The following RECQL5 variants were observed in gnomAD, a reference collection of about 807,000 sequenced individuals.
RECQL5 encodes ATP-dependent DNA helicase Q5.
In RECQL5, 88 loss-of-function variants were observed where a neutral mutation model predicts 103.4. That is an observed-to-expected ratio of 0.85 (90% confidence interval 0.72 to 1.02). The LOEUF (loss-of-function observed/expected upper bound fraction) is 1.02, where lower values mean the gene tolerates loss of function less well. RECQL5 is among the 50% of genes least tolerant of loss of function. The pLI is 0.00. For missense variants in RECQL5, 1,232 were observed against 1,284.3 expected, an observed-to-expected ratio of 0.96 and a Z score of 0.62; for synonymous variants, 552 against 507.9, an observed-to-expected ratio of 1.09 and a Z score of -1.17.
intron 3 of RECQL5, 114 bp downstream of exon 3, chr17:75,664,931 GGAAAAA>G (rs1271876791): frequency 3.6e-5 from 45 of 1,234,456 alleles, no homozygotes; most frequent in Middle Eastern, 2.9e-4. Flanking sequence ...AAAAAAAAAA[GGAAAAA>G]GAAAAAGAAA....
Position 75,650,744 on chromosome 17 carries a change from G to A in RECQL5, c.1229+442C>T, listed in dbSNP as rs77302808. ...CTGCAGATGCAGGTAAAACAGATGC[G>A]TGAGTTCAAAGCACATGACTCCCCG... On this transcript the variant is annotated intron_variant, in intron 8 of 19. Transcript: ENST00000317905. 10,954 of 1,607,372 alleles carry A rather than the reference G, an allele frequency of 6.8e-3. 317 individuals are homozygous for A. The African/African-American group carries it at 0.082, about 12-fold the overall frequency.
Position 75,630,267 on chromosome 17 carries a change from G to A in RECQL5, c.1729C>T (p.Arg577Trp), listed in dbSNP as rs773824180. ...TGTTCCAGCTCCACGGCCTTGGCCCGGAGGTCAGCTCTGTGGGTGCAAGGT... is the reference window on the plus strand; with the variant it reads ...TGTTCCAGCTCCACGGCCTTGGCCCAGAGGTCAGCTCTGTGGGTGCAAGGT... ...STRTADEADL[R>W]AKAVELEHET... Residue 577 changes from arginine to tryptophan, a missense_variant, in exon 14 of 20, where the codon CGG (arginine) becomes TGG (tryptophan). Transcript: ENST00000317905. The A allele has an allele frequency of 1.8e-5, 28 of 1,558,392 alleles. No individual in the cohort carries two copies. The highest frequency in any genetic ancestry group is 1.5e-4 in the Admixed American group (8 of 51,640).
At chr17:75,634,220 C>T in intron 8 of RECQL5, 2 of 985,564 alleles carry the variant, frequency 2.0e-6, no homozygotes, top group Non-Finnish European at 1.2e-6. Context: ...GCAATGGCCA[C>T]AGAAGAAGGG....
chr17:75,661,637 G>C lies in RECQL5; in HGVS notation c.843C>G (p.Cys281Trp), dbSNP rs200213823. ...ACEQLAIELS[C>W]RGVNAKAYHA... ...GGTAAGCCTTGGCGTTCACACCCCTGCAGCTGAGCTCTATGGCCAGCTGTT... is the reference window on the plus strand; with the variant it reads ...GGTAAGCCTTGGCGTTCACACCCCTCCAGCTGAGCTCTATGGCCAGCTGTT... The change falls in exon 5 of 20, where the codon TGC becomes TGG. Residue 281 changes from cysteine (C) to tryptophan (W), a missense_variant. By Grantham distance (215) the Cys-to-Trp change is radical. Coordinates refer to ENST00000317905, the MANE Select transcript of RECQL5 (RefSeq NM_004259.7). The C allele has an allele frequency of 3.6e-5, 58 of 1,613,938 alleles. No homozygotes were observed. The highest frequency in any genetic ancestry group is 4.7e-5 in the Non-Finnish European group (56 of 1,180,008).
At position 75,640,164 on chromosome 17, in the gene RECQL5, A is replaced by G. The variant is rs1167380270; in HGVS notation, c.1230-8496T>C. 1.3e-6 allele frequency: 2 copies of G among 1,520,924 alleles called. No homozygotes were observed. The highest frequency in any genetic ancestry group is 1.8e-6 in the Non-Finnish European group (2 of 1,135,306). 94.2% of individuals were successfully genotyped at this position (1,520,924 alleles called of 1,614,324 possible). ...CTCCAGGTGTTCTCTCTGCCCCAGCAGAGCCCGGCAGGAGCCCCAACAGGA... is the reference window on the plus strand; with the variant it reads ...CTCCAGGTGTTCTCTCTGCCCCAGCGGAGCCCGGCAGGAGCCCCAACAGGA... On this transcript the variant is annotated intron_variant, in intron 8 of 19. Coordinates refer to ENST00000317905, the MANE Select transcript of RECQL5 (RefSeq NM_004259.7). This position sits in a 1 kb window ranked among gnomAD's most constrained non-coding sequence, Gnocchi z 4.6.
At chr17:75,649,905 G>A (rs2059533427) in intron 8 of RECQL5, 1 of 985,582 alleles carries the variant, frequency 1.0e-6, no homozygotes, top group Non-Finnish European at 1.2e-6. Context: ...CAGCTCCCCG[G>A]AAGGTGACAG....
chr17:75,628,536 C>G, intron 17 of RECQL5, 94 bp from the exon 18 acceptor site: 3 of 1,526,012 alleles, frequency 2.0e-6, no homozygotes, highest in Non-Finnish European at 2.7e-6. Context: ...CCAGCTGCCT[C>G]TCTCCAGCCC....
chr17:75,634,250 A>AAGG, intron 8 of RECQL5: 3 of 985,522 alleles, frequency 3.0e-6, no homozygotes, highest in Non-Finnish European at 3.6e-6. Context: ...AGGGAGCAGC[A>AAGG]AGGGTCCCCT....
intron 8 of RECQL5, chr17:75,633,538 C>A (rs1291241437): frequency 7.8e-7 from 1 of 1,285,316 alleles, no homozygotes; most frequent in South Asian, 1.2e-5. Context: ...TCCCCCAAGA[C>A]GCCTTCAGAT....
chr17:75,661,488 G>T, intron 5 of RECQL5, 118 bp downstream of exon 5: 1 of 720,688 alleles, frequency 1.4e-6, no homozygotes. Context: ...CTTTAGCTCT[G>T]CCTGAGTATC....
intron 2 of RECQL5, 84 bp downstream of exon 2, chr17:75,666,344 C>A: frequency 1.3e-6 from 2 of 1,490,088 alleles, no homozygotes; most frequent in Non-Finnish European, 9.2e-7. Context: ...TGAGGCAGTA[C>A]GAAGGGTGAG....
intron 8 of RECQL5, chr17:75,649,941 G>C: frequency 1.0e-6 from 1 of 985,594 alleles, no homozygotes; most frequent in Non-Finnish European, 1.2e-6. Context: ...AGGCCCTTGG[G>C]AGGACCTGTT....
Position 75,641,000 on chromosome 17 carries a change from C to T in RECQL5, c.1230-9332G>A. On this transcript the variant is annotated intron_variant, in intron 8 of 19. Transcript: ENST00000317905. This position sits in a 1 kb window ranked among gnomAD's most constrained non-coding sequence, Gnocchi z 4.6. ...GCCCTTACCCCTCAAGACCAGGCTC[C>T]CCTGGCCCCAGCTCTGGCCCAGCCC... The T allele has an allele frequency of 1.3e-6, 2 of 1,486,184 alleles. No homozygotes were observed. Among genetic ancestry groups the T allele is most frequent in the Non-Finnish European group, 1.8e-6 (2 of 1,114,568 alleles). The allele number at this position is 1,486,184 out of a possible 1,614,324, so 92.1% of individuals were successfully genotyped here.
At chr17:75,657,413 G>A (rs2059637813) in intron 7 of RECQL5, among the ~76,000 whole-genome samples, 1 of 151,974 alleles carries the variant, frequency 6.6e-6, no homozygotes, top group Admixed American at 6.6e-5. Context: ...AAAGAAACAA[G>A]GCAGTACTGA....
At chr17:75,653,802 G>A (rs761597798) in intron 7 of RECQL5, among the ~76,000 whole-genome samples, 3 of 152,062 alleles carry the variant, frequency 2.0e-5, no homozygotes, top group Admixed American at 6.6e-5. Context: ...GGGGGCTGAG[G>A]CATGAAAATT....
At chr17:75,641,649 A>G (rs2059436779) in intron 8 of RECQL5, among the ~76,000 whole-genome samples, 1 of 152,262 alleles carries the variant, frequency 6.6e-6, no homozygotes, top group Admixed American at 6.5e-5. Flanking sequence ...GCAGAGTGGC[A>G]GAGACTGTGT....
At chr17:75,634,821 A>G (rs1816466330) in intron 8 of RECQL5, among the ~76,000 whole-genome samples, 1 of 152,222 alleles carries the variant, frequency 6.6e-6, no homozygotes, top group Admixed American at 6.5e-5. Flanking sequence ...AGGAACCTGG[A>G]GGACTGACTT....
chr17:75,647,445 G>A (rs1249858695), intron 8 of RECQL5: 4 of 1,550,126 alleles, frequency 2.6e-6, no homozygotes, highest in African/African-American at 2.7e-5. Flanking sequence ...GGGACCAGGG[G>A]GGCCTGGCAG....
intron 6 of RECQL5, 112 bp downstream of exon 6, chr17:75,660,843 T>A (rs755869348): frequency 5.7e-5 from 46 of 801,180 alleles, no homozygotes; most frequent in Middle Eastern, 2.5e-4. Flanking sequence ...GGAGCTTCCT[T>A]CCCCTCTAGC....
Sources: allele counts gnomAD v4.1 joint callset (sites outside exome capture counted in the v4.1 genomes callset), GRCh38; gene constraint gnomAD v4.1.1; non-coding constraint Gnocchi (gnomAD v3.1); transcripts MANE v1.5; gene names NCBI Gene and HGNC (gene_info 2026-07-23, HGNC 2026-07-21).